LRRIQ1: variants seen among roughly 807,000 people sequenced by gnomAD.
The protein encoded by LRRIQ1 is leucine rich repeats and IQ motif containing 1, also known as leucine-rich repeat- and IQ domain-containing protein 1.
A neutral mutation model predicts 211.9 loss-of-function variants in LRRIQ1; 210 were observed. The ratio of observed to expected loss-of-function variants is 0.99; its 90% CI spans 0.89 to 1.11. The LOEUF (loss-of-function observed/expected upper bound fraction) is 1.11, where lower values mean the gene tolerates loss of function less well. Ranked by LOEUF, LRRIQ1 falls within the 50% of genes most tolerant of loss-of-function variation. LRRIQ1 has a pLI of 0.00. For missense variants in LRRIQ1, 2,136 were observed against 1,939.5 expected (o/e 1.10, Z -1.90); for synonymous variants, 699 against 650.1 (o/e 1.08, Z -1.14).
chr12:85,260,192 G>C (rs1361529229), intron 1 of LRRIQ1, among the ~76,000 whole-genome samples: 1 of 148,748 alleles, frequency 6.7e-6, no homozygotes, highest in Non-Finnish European at 1.5e-5. Context: ...CTTTAGTCCC[G>C]GCTTCTGGGA....
chr12:85,125,967 A>G (rs1354205974), intron 17 of LRRIQ1, among the ~76,000 whole-genome samples: 1 of 152,188 alleles, frequency 6.6e-6, no homozygotes, highest in Admixed American at 6.5e-5. Context: ...GTGATTCAGG[A>G]GATTCACTGC....
At chr12:85,250,236 G>A (rs1016007008) in intron 1 of LRRIQ1, among the ~76,000 whole-genome samples, 5 of 151,786 alleles carry the variant, frequency 3.3e-5, no homozygotes, top group African/African-American at 1.2e-4. Flanking sequence ...AAGAAGCAGG[G>A]TAGAAGATTG....
chr12:85,153,244 C>T (rs1890347152), intron 21 of LRRIQ1, 99 bp downstream of exon 21: 1 of 1,173,568 alleles, frequency 8.5e-7, no homozygotes. Flanking sequence ...TGTGAATTTA[C>T]TTGTTTAGGA....
chr12:85,081,455 T>G (rs957560332), intron 11 of LRRIQ1, among the ~76,000 whole-genome samples: 1 of 151,884 alleles, frequency 6.6e-6, no homozygotes, highest in East Asian at 1.9e-4. Flanking sequence ...TGGCTTTTTT[T>G]TTTGTCATTT....
intron 11 of LRRIQ1, among the ~76,000 whole-genome samples, 156 bp from the exon 12 acceptor site, chr12:85,098,199 A>G (rs1830146162): frequency 6.6e-6 from 1 of 152,154 alleles, no homozygotes; most frequent in Admixed American, 6.5e-5. Flanking sequence ...ACAGTTTACA[A>G]GATATGTTTC....
rs374222836 is a variant in LRRIQ1, at chr12:85,191,157, A to C, written c.4822+30443A>C. Among the ~76,000 whole-genome samples, 6 of 151,988 alleles carry C rather than the reference A, an allele frequency of 3.9e-5. No homozygotes were observed. The East Asian group carries it at 5.8e-4, about 15-fold the overall frequency. On this transcript the variant is annotated intron_variant, in intron 24 of 26. Coordinates refer to ENST00000393217, the MANE Select transcript of LRRIQ1 (RefSeq NM_001079910.2). ...CTCTTAGTAGAGTGGTAAAACCTAT[A>C]CTGGCACATCATTATCACCCAAAGT... is the stretch of plus-strand genomic sequence containing the variant.
chr12:85,060,436 A>C (rs902913636), intron 8 of LRRIQ1, among the ~76,000 whole-genome samples: 39 of 151,922 alleles, frequency 2.6e-4, no homozygotes, highest in Admixed American at 1.2e-3. Context: ...ATTAAGTAAT[A>C]ACCACCACAA....
chr12:85,157,815 T>TA (rs1890636387), intron 23 of LRRIQ1, among the ~76,000 whole-genome samples: 1 of 151,640 alleles, frequency 6.6e-6, no homozygotes, highest in African/African-American at 2.4e-5. Context: ...GTAAGAGGTT[T>TA]AAGGAACATA....
intron 24 of LRRIQ1, among the ~76,000 whole-genome samples, chr12:85,224,568 G>A (rs1193557564): frequency 6.6e-6 from 1 of 152,114 alleles, no homozygotes; most frequent in Non-Finnish European, 1.5e-5. Flanking sequence ...AAAAGGATGA[G>A]TTCATGTCCT....
At chr12:85,052,618 T>C (rs563609919) in intron 7 of LRRIQ1, among the ~76,000 whole-genome samples, 2 of 152,260 alleles carry the variant, frequency 1.3e-5, no homozygotes, top group Non-Finnish European at 2.9e-5. Context: ...ATACATATAC[T>C]GATGTTTTAG....
intron 24 of LRRIQ1, among the ~76,000 whole-genome samples, chr12:85,175,753 T>A (rs1035380100): frequency 3.3e-5 from 5 of 152,194 alleles, no homozygotes; most frequent in African/African-American, 7.2e-5. Flanking sequence ...CACCATTTAT[T>A]AAATAGGGAA....
At chr12:85,245,899 ACT>A (rs1372612263), downstream of LRRIQ1, among the ~76,000 whole-genome samples, 2 of 150,864 alleles carry the variant, frequency 1.3e-5, no homozygotes, top group Admixed American at 6.7e-5. Flanking sequence ...AGAGAGAGAG[ACT>A]CACACACACA....
intron 4 of LRRIQ1, among the ~76,000 whole-genome samples, chr12:85,045,729 A>G (rs1326304285): frequency 1.3e-5 from 2 of 151,946 alleles, no homozygotes; most frequent in Non-Finnish European, 2.9e-5. Context: ...AACATTTTGA[A>G]GTGATTGTCA....
chr12:85,047,506 CAGT>C lies in LRRIQ1; in HGVS notation c.678+39_678+41del, dbSNP rs3839965. 4.1e-4 allele frequency: 625 copies of C among 1,510,144 alleles called. 7 individuals carry two copies. In the East Asian group the frequency reaches 0.011, roughly 27 times the overall value. 93.5% of individuals were successfully genotyped at this position (1,510,144 alleles called of 1,614,324 possible). On this transcript the variant is annotated intron_variant, in intron 6 of 26. Transcript: ENST00000393217. ...TTTGTTTTTCATGTATTTTTAAAATCAGTAGCTACCTCTGAAGAATATTGATAT... is the reference window on the plus strand; with the variant it reads ...TTTGTTTTTCATGTATTTTTAAAATCAGCTACCTCTGAAGAATATTGATAT...
rs1381659143 is a variant in LRRIQ1, at chr12:85,154,147, A to C, written c.4720+53A>C. 3 of 949,912 alleles carry C rather than the reference A, an allele frequency of 3.2e-6. No individual in the cohort carries two copies. In the South Asian group the frequency reaches 6.4e-5, roughly 20 times the overall value. 58.8% of individuals were successfully genotyped at this position (949,912 alleles called of 1,614,324 possible). ...AACTGTGTATGGAAAATTGAAGATA[A>C]CTTCTTTAAAATATATTTTATAAAT... On this transcript the variant is annotated intron_variant, in intron 23 of 26. Coordinates refer to ENST00000393217, the MANE Select transcript of LRRIQ1 (RefSeq NM_001079910.2).
At chr12:85,146,777 A>G (rs1022929808) in intron 19 of LRRIQ1, among the ~76,000 whole-genome samples, 1 of 151,724 alleles carries the variant, frequency 6.6e-6, no homozygotes, top group Non-Finnish European at 1.5e-5. Flanking sequence ...ATAAACCATA[A>G]CTAAGATTAG....
At chr12:85,163,588 G>A (rs1891007694) in intron 24 of LRRIQ1, among the ~76,000 whole-genome samples, 1 of 152,082 alleles carries the variant, frequency 6.6e-6, no homozygotes, top group Non-Finnish European at 1.5e-5. Flanking sequence ...ACTCTGCAAT[G>A]TTGACTATAT....
chr12:85,205,878 C>T (rs1267642142), intron 24 of LRRIQ1, among the ~76,000 whole-genome samples: 1 of 152,186 alleles, frequency 6.6e-6, no homozygotes, highest in Non-Finnish European at 1.5e-5. Context: ...CTTTCCTCAG[C>T]TCCGTTGATC....
At chr12:85,237,133 G>T (rs1201268214) in intron 26 of LRRIQ1, among the ~76,000 whole-genome samples, 1 of 151,692 alleles carries the variant, frequency 6.6e-6, no homozygotes, top group Non-Finnish European at 1.5e-5. Context: ...TTTCTGCTTT[G>T]GGCTATGATG....
Sources: gnomAD v4.1 joint callset for allele counts (sites outside exome capture counted in the v4.1 genomes callset) on GRCh38, gnomAD v4.1.1 for gene constraint, MANE v1.5 for transcripts, NCBI Gene and HGNC (gene_info 2026-07-23, HGNC 2026-07-21) for gene names.